The following RAB3C variants were observed in gnomAD, a reference collection of about 807,000 sequenced individuals.
RAB3C encodes ras-related protein Rab-3C.
In RAB3C, 17 loss-of-function variants were observed where a neutral mutation model predicts 26.4. The observed-to-expected ratio is 0.64, with a 90% CI of 0.44 to 0.97. RAB3C has a LOEUF of 0.97. RAB3C is among the 50% of genes least tolerant of loss of function. The pLI is 0.00. For missense variants in RAB3C, 242 were observed against 281.9 expected, an observed-to-expected ratio of 0.86 and a Z score of 1.01; for synonymous variants, 91 against 95.9, an observed-to-expected ratio of 0.95 and a Z score of 0.30.
In RAB3C at chr5:58,654,321, C is replaced by T. The variant is rs192285356; in HGVS notation, c.252+36451C>T. ...TGGTAGAGGATTTATGGATTCTTTCCAAAGAGCTTAGCAAGTTAAGTTATA... is the reference window on the plus strand; with the variant it reads ...TGGTAGAGGATTTATGGATTCTTTCTAAAGAGCTTAGCAAGTTAAGTTATA... On this transcript the variant is annotated intron_variant, in intron 2 of 4. Transcript: ENST00000282878. 6.4e-3 allele frequency among the ~76,000 whole-genome samples: 968 copies of T among 152,076 alleles called. 5 individuals are homozygous for T. The highest frequency in any genetic ancestry group is 0.01 in the Admixed American group (157 of 15,274).
intron 2 of RAB3C, among the ~76,000 whole-genome samples, chr5:58,688,331 C>T (rs1748491019): frequency 6.6e-6 from 1 of 152,092 alleles, no homozygotes; most frequent in African/African-American, 2.4e-5. Flanking sequence ...CCTTACCTCT[C>T]CCTGTCTTAC....
chr5:58,610,194 C>CTGTGTGTGTGTGTG (rs1168785442), intron 1 of RAB3C, among the ~76,000 whole-genome samples: 34,788 of 143,212 alleles, frequency 0.24, 4,427 homozygotes, highest in Non-Finnish European at 0.28. Flanking sequence ...TTTTGTTTTT[C>CTGTGTGTGTGTGTG]TGTGTGTGTG....
At chr5:58,612,548 G>GTATATATATATATATGTA (rs1746737078) in intron 1 of RAB3C, among the ~76,000 whole-genome samples, 16 of 80,332 alleles carry the variant, frequency 2.0e-4, no homozygotes, top group African/African-American at 7.4e-4. Flanking sequence ...ATATATATAT[G>GTATATATATATATATGTA]TATATATATA....
chr5:58,754,689 CAAAT>C (rs535231402), intron 3 of RAB3C, among the ~76,000 whole-genome samples: 90 of 152,266 alleles, frequency 5.9e-4, no homozygotes, highest in Admixed American at 2.7e-3. Flanking sequence ...GAACCACAAA[CAAAT>C]GTTTATATCG....
At chr5:58,592,112 C>A (rs1431896048) in intron 1 of RAB3C, among the ~76,000 whole-genome samples, 4 of 151,780 alleles carry the variant, frequency 2.6e-5, no homozygotes, top group Non-Finnish European at 4.4e-5. Flanking sequence ...TTGGCCACAC[C>A]CATCTCGAAC....
In RAB3C at chr5:58,851,301, A is replaced by T. The variant is rs377072597; in HGVS notation, c.634A>T (p.Thr212Ser). The change falls in exon 5 of 5, where the codon ACG (threonine) becomes TCG (serine). Residue 212 changes from threonine to serine, a missense_variant. Transcript: ENST00000282878. ...DPAITAAKQNTRLKETPPPPQ... is the reference protein window; with the variant it reads ...DPAITAAKQNSRLKETPPPPQ... ...TGCCATCACTGCTGCAAAGCAGAAC[A>T]CGAGACTCAAGGAAACTCCTCCTCC... 18 of 1,612,162 alleles carry T rather than the reference A, an allele frequency of 1.1e-5. No individual in the cohort carries two copies. In the African/African-American group the frequency reaches 2.4e-4, roughly 22 times the overall value.
intron 4 of RAB3C, among the ~76,000 whole-genome samples, chr5:58,827,830 T>A (rs909717974): frequency 4.6e-5 from 7 of 152,212 alleles, no homozygotes; most frequent in African/African-American, 1.7e-4. Context: ...TTTGTATTTT[T>A]AAAAAATGCT....
chr5:58,686,248 A>G (rs1229837751), intron 2 of RAB3C, among the ~76,000 whole-genome samples: 1 of 152,178 alleles, frequency 6.6e-6, no homozygotes, highest in East Asian at 1.9e-4. Context: ...CAAAGTTGAT[A>G]GGAAAGAGTG....
At chr5:58,655,622 C>T (rs1747752313) in intron 2 of RAB3C, among the ~76,000 whole-genome samples, 1 of 151,948 alleles carries the variant, frequency 6.6e-6, no homozygotes, top group Admixed American at 6.6e-5. Context: ...AGCAAGGAAA[C>T]ATTATTTGGA....
chr5:58,615,571 C>T (rs1251800454), intron 1 of RAB3C, among the ~76,000 whole-genome samples: 1 of 152,128 alleles, frequency 6.6e-6, no homozygotes, highest in African/African-American at 2.4e-5. Context: ...AGTTGCAATC[C>T]TACTTTTGCC....
intron 2 of RAB3C, among the ~76,000 whole-genome samples, chr5:58,641,802 G>C (rs1367652379): frequency 6.6e-6 from 1 of 152,202 alleles, no homozygotes; most frequent in East Asian, 1.9e-4. Flanking sequence ...CTAAGCCGCT[G>C]TCTCCAATGT....
chr5:58,712,912 G>T (rs1237453813), intron 2 of RAB3C, among the ~76,000 whole-genome samples: 1 of 152,176 alleles, frequency 6.6e-6, no homozygotes, highest in East Asian at 1.9e-4. Context: ...GGTGAGAGGA[G>T]TGTAGTCAAT....
intron 3 of RAB3C, among the ~76,000 whole-genome samples, chr5:58,794,690 TTTAA>T (rs1742604532): frequency 6.6e-6 from 1 of 152,238 alleles, no homozygotes; most frequent in South Asian, 2.1e-4. Flanking sequence ...TAAATGATGC[TTTAA>T]TTCTCGTAAC....
At chr5:58,645,637 T>C (rs1747500139) in intron 2 of RAB3C, among the ~76,000 whole-genome samples, 1 of 152,170 alleles carries the variant, frequency 6.6e-6, no homozygotes, top group Non-Finnish European at 1.5e-5. Context: ...GACAGGGTCA[T>C]TAGTGTAATT....
intron 4 of RAB3C, among the ~76,000 whole-genome samples, chr5:58,828,062 C>G (rs1182723701): frequency 1.3e-5 from 2 of 152,146 alleles, no homozygotes; most frequent in African/African-American, 4.8e-5. Flanking sequence ...ATTTGCTCAT[C>G]CTAATGAGGG....
Position 58,803,186 on chromosome 5 carries a change from A to G in RAB3C, c.372-21852A>G, listed in dbSNP as rs538470515. On this transcript the variant is annotated intron_variant, in intron 3 of 4. Coordinates refer to ENST00000282878, the MANE Select transcript of RAB3C (RefSeq NM_138453.4). ...GAGACAAATAGCAGTCTACTGTCAG[A>G]CTTGGACTTTTCACTATTGAGTCAG... 2.0e-5 allele frequency among the ~76,000 whole-genome samples: 3 copies of G among 152,338 alleles called. No individual in the cohort carries two copies. In the East Asian group the frequency reaches 5.8e-4, roughly 29 times the overall value.
At chr5:58,597,211 T>C (rs567602458) in intron 1 of RAB3C, among the ~76,000 whole-genome samples, 1,329 of 4,470 alleles carry the variant, frequency 0.3, 94 homozygotes, top group African/African-American at 0.38. Flanking sequence ...ATATACTACA[T>C]AAATATTATA....
intron 2 of RAB3C, among the ~76,000 whole-genome samples, chr5:58,654,997 C>A (rs1203318986): frequency 6.6e-6 from 1 of 152,056 alleles, no homozygotes; most frequent in African/African-American, 2.4e-5. Flanking sequence ...TATACATACT[C>A]TTTTTCTCTG....
At position 58,656,073 on chromosome 5, in the gene RAB3C, C is replaced by T. The variant is rs1317363965; in HGVS notation, c.252+38203C>T. Among the ~76,000 whole-genome samples, 5 of 152,194 alleles carry T rather than the reference C, an allele frequency of 3.3e-5. No individual in the cohort carries two copies. In the South Asian group the frequency reaches 1.0e-3, roughly 32 times the overall value. Reference sequence around the variant, plus strand: ...GTGCTGGGATTACAAGCGTGAGCCACCGCGCCCGGCCCTAAACCTAACTCT... The same window carrying T: ...GTGCTGGGATTACAAGCGTGAGCCATCGCGCCCGGCCCTAAACCTAACTCT... On this transcript the variant is annotated intron_variant, in intron 2 of 4. Transcript: ENST00000282878.
Sources: gnomAD v4.1 joint callset for allele counts (sites outside exome capture counted in the v4.1 genomes callset) on GRCh38, gnomAD v4.1.1 for gene constraint, MANE v1.5 for transcripts, NCBI Gene and HGNC (gene_info 2026-07-23, HGNC 2026-07-21) for gene names.